The following NOL4 variants were observed in gnomAD, a reference collection of about 807,000 sequenced individuals.
NOL4 encodes the protein nucleolar protein 4, also known as cancer/testis antigen 125.
A neutral mutation model predicts 75.9 loss-of-function variants in NOL4; 17 were observed. That is an observed-to-expected ratio of 0.22 (90% CI 0.15 to 0.34). The LOEUF (loss-of-function observed/expected upper bound fraction) is 0.34, where lower values mean the gene tolerates loss of function less well. Ranked by LOEUF, NOL4 falls within the 10% of genes least tolerant of loss-of-function variation. The probability of loss-of-function intolerance (pLI) is 1.00; values close to 1 mark genes in which losing one functional copy is unlikely to be tolerated. For missense variants in NOL4, 614 were observed against 793.5 expected (o/e 0.77, Z 2.72); for synonymous variants, 292 against 289.9 (o/e 1.01, Z -0.07).
At chr18:34,058,134 T>G (rs901995173) in intron 5 of NOL4, among the ~76,000 whole-genome samples, 1 of 152,078 alleles carries the variant, frequency 6.6e-6, no homozygotes, top group Non-Finnish European at 1.5e-5. Context: ...GGCCTGTTGT[T>G]CCTTATTTCT....
intron 6 of NOL4, among the ~76,000 whole-genome samples, chr18:34,010,048 G>C (rs1207449861): frequency 6.6e-6 from 1 of 151,556 alleles, no homozygotes; most frequent in Non-Finnish European, 1.5e-5. Context: ...CTTGTCATCT[G>C]AGTTATCCTC....
intron 2 of NOL4, chr18:34,128,931 T>TC: frequency 7.3e-6 from 6 of 822,640 alleles, no homozygotes; most frequent in Non-Finnish European, 7.3e-6. Flanking sequence ...TATATCAATA[T>TC]AGCTGAAAAC....
chr18:34,082,312 T>C (rs889524766), intron 5 of NOL4, among the ~76,000 whole-genome samples: 11 of 152,020 alleles, frequency 7.2e-5, no homozygotes, highest in Admixed American at 2.0e-4. Context: ...TACTTAGTAG[T>C]TGTGGTGATG....
intron 5 of NOL4, among the ~76,000 whole-genome samples, chr18:34,075,901 A>T (rs2077724355): frequency 6.6e-6 from 1 of 152,202 alleles, no homozygotes; most frequent in Non-Finnish European, 1.5e-5. Flanking sequence ...AAGTTCCTGC[A>T]GAGCCTTCCC....
chr18:34,053,936 C>T (rs1022588195), intron 5 of NOL4, among the ~76,000 whole-genome samples: 3 of 151,864 alleles, frequency 2.0e-5, no homozygotes, highest in African/African-American at 7.2e-5. Flanking sequence ...ATCAAGTATA[C>T]TTCAACATGG....
intron 1 of NOL4, among the ~76,000 whole-genome samples, chr18:34,207,668 G>GAT (rs1269717965): frequency 6.6e-6 from 1 of 152,048 alleles, no homozygotes; most frequent in Non-Finnish European, 1.5e-5. Flanking sequence ...CTTTTTTTCT[G>GAT]ATGTTTCTTG....
chr18:33,995,990 A>G (rs998382724), intron 6 of NOL4, among the ~76,000 whole-genome samples: 13 of 151,764 alleles, frequency 8.6e-5, no homozygotes, highest in Admixed American at 7.2e-4. Flanking sequence ...TCTTCTGCCT[A>G]GTTATTCTAA....
intron 5 of NOL4, among the ~76,000 whole-genome samples, chr18:34,060,088 G>T (rs143800647): frequency 3.3e-5 from 5 of 152,102 alleles, no homozygotes; most frequent in Non-Finnish European, 5.9e-5. Context: ...AGATACTAAA[G>T]TGGTTATTGT....
intron 1 of NOL4, among the ~76,000 whole-genome samples, chr18:34,139,618 T>A (rs1463010211): frequency 2.0e-5 from 3 of 152,170 alleles, no homozygotes; most frequent in East Asian, 3.9e-4. Flanking sequence ...TTCATCTTTT[T>A]AAAAAACCAG....
At chr18:33,884,086 T>C (rs2064484064) in intron 9 of NOL4, among the ~76,000 whole-genome samples, 1 of 152,262 alleles carries the variant, frequency 6.6e-6, no homozygotes, top group Non-Finnish European at 1.5e-5. Flanking sequence ...TGGAAAATGT[T>C]GGAAGGGTAA....
chr18:34,006,150 GATGA>G, intron 6 of NOL4, among the ~76,000 whole-genome samples: 1 of 152,142 alleles, frequency 6.6e-6, no homozygotes, highest in South Asian at 2.1e-4. Flanking sequence ...TATAGAAACT[GATGA>G]ATATTTGATA....
At position 34,210,629 on chromosome 18, in the gene NOL4, G is replaced by C. The variant is rs565857308; in HGVS notation, c.264+12361C>G. 3.3e-5 allele frequency among the ~76,000 whole-genome samples: 5 copies of C among 152,302 alleles called. No individual in the cohort carries two copies. In the East Asian group the frequency reaches 9.7e-4, roughly 29 times the overall value. On this transcript the variant is annotated intron_variant, in intron 1 of 10. Transcript: ENST00000261592. Reference sequence around the variant, plus strand: ...CAGAAGAAAGAGAAAGTTAGTGTTAGTTCACTAGTGAAGCTCTATTAAAAG... The same window carrying C: ...CAGAAGAAAGAGAAAGTTAGTGTTACTTCACTAGTGAAGCTCTATTAAAAG...
Position 34,119,190 on chromosome 18 carries a change from G to A in NOL4, c.414+10681C>T, listed in dbSNP as rs765917606. On this transcript the variant is annotated intron_variant, in intron 2 of 10. Coordinates refer to ENST00000261592, the MANE Select transcript of NOL4 (RefSeq NM_003787.5). ...CTGCCTAAACAAATTTGTAATCACT[G>A]TATCTCTCAAAAATTTTTGCTTCGG... Among the ~76,000 whole-genome samples the A allele has an allele frequency of 4.7e-4, 72 of 152,112 alleles. 1 individual carries two copies. Among genetic ancestry groups the A allele is most frequent in the Non-Finnish European group, 1.6e-4 (11 of 68,024 alleles).
chr18:34,097,758 C>G (rs1200256865), intron 4 of NOL4, among the ~76,000 whole-genome samples: 1 of 152,136 alleles, frequency 6.6e-6, no homozygotes, highest in African/African-American at 2.4e-5. Context: ...CAGTCATTCA[C>G]TACTAGCAAT....
intron 9 of NOL4, among the ~76,000 whole-genome samples, chr18:33,886,822 TATAC>T (rs1599746953): frequency 7.1e-6 from 1 of 141,484 alleles, no homozygotes; most frequent in African/African-American, 2.6e-5. Context: ...GATATATCTA[TATAC>T]ATATATATCT....
At chr18:33,863,970 G>T (rs182561086) in intron 10 of NOL4, among the ~76,000 whole-genome samples, 86 of 152,300 alleles carry the variant, frequency 5.6e-4, no homozygotes, top group Non-Finnish European at 1.0e-3. Context: ...TCACCATGTG[G>T]AAGCCACAAA....
At chr18:33,931,042 C>T (rs1429573070) in intron 9 of NOL4, among the ~76,000 whole-genome samples, 1 of 151,938 alleles carries the variant, frequency 6.6e-6, no homozygotes, top group Non-Finnish European at 1.5e-5. Context: ...CTTCTAGGCT[C>T]TGGCAAATTA....
rs559886292 is a variant in NOL4, at chr18:34,073,545, G to A, written c.772+19920C>T. ...TACTTGTTATATTATATTGTTTAGGGAATAATGACACAGAAAATGAGTCTG... is the reference window on the plus strand; with the variant it reads ...TACTTGTTATATTATATTGTTTAGGAAATAATGACACAGAAAATGAGTCTG... On this transcript the variant is annotated intron_variant, in intron 5 of 10. Coordinates refer to ENST00000261592, the MANE Select transcript of NOL4 (RefSeq NM_003787.5). Among the ~76,000 whole-genome samples the A allele has an allele frequency of 6.1e-4, 92 of 151,986 alleles. 1 individual carries two copies. The highest frequency in any genetic ancestry group is 2.3e-3 in the South Asian group (11 of 4,810).
At chr18:33,882,662 T>A (rs2064366613) in intron 10 of NOL4, among the ~76,000 whole-genome samples, 1 of 150,918 alleles carries the variant, frequency 6.6e-6, no homozygotes, top group Admixed American at 6.6e-5. Context: ...TCCTCAGGGA[T>A]CTAGAACTGG....
Sources: allele counts gnomAD v4.1 joint callset (sites outside exome capture counted in the v4.1 genomes callset), GRCh38; gene constraint gnomAD v4.1.1; transcripts MANE v1.5; gene names NCBI Gene and HGNC (gene_info 2026-07-23, HGNC 2026-07-21).